Variants in PAQR5 observed in about 807,000 individuals in gnomAD.
PAQR5 encodes membrane progestin receptor gamma.
Under a neutral mutation model 34.5 loss-of-function variants are expected in PAQR5, and 20 were observed. The ratio of observed to expected loss-of-function variants is 0.58; its 90% CI spans 0.41 to 0.84. PAQR5 has a LOEUF of 0.84. Among genes scored for constraint, PAQR5 ranks in the 40% least tolerant of loss-of-function variants. The pLI is 0.00. For synonymous variants in PAQR5, 131 were observed against 155.6 expected, an observed-to-expected ratio of 0.84 and a Z score of 1.18; for missense variants, 378 against 412.7, an observed-to-expected ratio of 0.92 and a Z score of 0.73.
chr15:69,302,222 A>C, intron 1 of PAQR5, among the ~76,000 whole-genome samples: 1 of 151,956 alleles, frequency 6.6e-6, no homozygotes, highest in East Asian at 1.9e-4. Flanking sequence ...ATAGGCATGC[A>C]CCACCGTGCC....
intron 2 of PAQR5, among the ~76,000 whole-genome samples, chr15:69,357,845 C>T (rs1447745105): frequency 6.6e-6 from 1 of 152,180 alleles, no homozygotes; most frequent in African/African-American, 2.4e-5. Context: ...CTATGAGCAT[C>T]ATTGCTTCAT....
chr15:69,322,069 G>A (rs1167666507), intron 1 of PAQR5, among the ~76,000 whole-genome samples: 13 of 151,040 alleles, frequency 8.6e-5, no homozygotes, highest in Non-Finnish European at 1.5e-5. Flanking sequence ...AAGAAGACTG[G>A]TGGCTTATGC....
intron 1 of PAQR5, among the ~76,000 whole-genome samples, chr15:69,321,522 G>A (rs2140600124): frequency 6.6e-6 from 1 of 152,272 alleles, no homozygotes; most frequent in East Asian, 1.9e-4. Flanking sequence ...TGTACCTTAA[G>A]AATTGATAAT....
At chr15:69,370,459 C>G (rs1345825489) in intron 3 of PAQR5, among the ~76,000 whole-genome samples, 1 of 152,186 alleles carries the variant, frequency 6.6e-6, no homozygotes, top group Admixed American at 6.5e-5. Context: ...AGCCAACAAA[C>G]AGTTATGTAA....
At chr15:69,394,507 G>A (rs1376685060) in intron 6 of PAQR5, among the ~76,000 whole-genome samples, 9 of 152,158 alleles carry the variant, frequency 5.9e-5, no homozygotes, top group African/African-American at 2.2e-4. Context: ...TTTTCCAAAG[G>A]CCCGCTAGTT....
intron 1 of PAQR5, among the ~76,000 whole-genome samples, chr15:69,332,338 A>G (rs2054400359): frequency 6.6e-6 from 1 of 152,184 alleles, no homozygotes; most frequent in Non-Finnish European, 1.5e-5. Flanking sequence ...TCCTGAAACC[A>G]ATACTGGATG....
At chr15:69,310,762 G>A (rs2053811717) in intron 1 of PAQR5, among the ~76,000 whole-genome samples, 1 of 152,012 alleles carries the variant, frequency 6.6e-6, no homozygotes, top group Non-Finnish European at 1.5e-5. Context: ...GTGTTGGCCA[G>A]GCGCGGTGGC....
At chr15:69,359,889 T>C (rs533441305) in intron 2 of PAQR5, 77 bp from the exon 3 acceptor site, 1 of 573,042 alleles carries the variant, frequency 1.7e-6, no homozygotes, top group African/African-American at 1.9e-5. Context: ...TGTTCAATAG[T>C]TGAACAAGCT....
At position 69,390,306 on chromosome 15, in the gene PAQR5, G is replaced by A. The variant is rs143384355; in HGVS notation, c.512+526G>A. On this transcript the variant is annotated intron_variant, in intron 6 of 8. Coordinates refer to ENST00000395407, the MANE Select transcript of PAQR5 (RefSeq NM_017705.4). ...ATTGGGATTACAGGCGTGAGCCATG[G>A]TGCCTGACCTGTTTTTTATTTATTT... Among the ~76,000 whole-genome samples the A allele has an allele frequency of 7.1e-4, 108 of 151,234 alleles. 2 individuals carry two copies. The East Asian group carries it at 0.021, about 29-fold the overall frequency.
intron 1 of PAQR5, among the ~76,000 whole-genome samples, chr15:69,318,537 C>A (rs192658148): frequency 2.3e-4 from 35 of 152,170 alleles, no homozygotes; most frequent in African/African-American, 7.2e-4. Context: ...CAGCACTGAG[C>A]ACGCACTCAC....
chr15:69,398,226 G>C (rs1007812109), intron 7 of PAQR5, among the ~76,000 whole-genome samples: 1 of 152,166 alleles, frequency 6.6e-6, no homozygotes, highest in Non-Finnish European at 1.5e-5. Flanking sequence ...ATGAATGAGG[G>C]TCTTAAAGGA....
At chr15:69,320,140 C>A (rs1487640908) in intron 1 of PAQR5, among the ~76,000 whole-genome samples, 5 of 152,260 alleles carry the variant, frequency 3.3e-5, no homozygotes, top group African/African-American at 4.8e-5. Context: ...TTCGCCCTTT[C>A]CCAGCCTTGG....
chr15:69,330,922 GTT>G (rs2054364765), intron 1 of PAQR5, among the ~76,000 whole-genome samples: 1 of 152,204 alleles, frequency 6.6e-6, no homozygotes, highest in Non-Finnish European at 1.5e-5. Context: ...CCTGCCCATG[GTT>G]CGGTGGCCCC....
At chr15:69,347,839 C>A (rs1305262097) in intron 2 of PAQR5, among the ~76,000 whole-genome samples, 1 of 152,200 alleles carries the variant, frequency 6.6e-6, no homozygotes, top group East Asian at 1.9e-4. Context: ...CATGAAGACT[C>A]TGCCCTCATG....
chr15:69,336,754 GTT>G (rs1423933520), intron 1 of PAQR5, among the ~76,000 whole-genome samples: 1 of 152,116 alleles, frequency 6.6e-6, no homozygotes, highest in African/African-American at 2.4e-5. Flanking sequence ...ATGGTGTTTG[GTT>G]TTCTTTGGAC....
intron 1 of PAQR5, among the ~76,000 whole-genome samples, chr15:69,305,516 G>A (rs1342114839): frequency 6.6e-6 from 1 of 152,082 alleles, no homozygotes; most frequent in Non-Finnish European, 1.5e-5. Flanking sequence ...GGGTGGGTGG[G>A]GCGAGGCTCG....
chr15:69,312,289 A>C lies in PAQR5; in HGVS notation c.-277+13233A>C, dbSNP rs1334477379. On this transcript the variant is annotated intron_variant, in intron 1 of 8. Coordinates refer to ENST00000395407, the MANE Select transcript of PAQR5 (RefSeq NM_017705.4). ...TGAAAACAGGATTTTTCTTTCCAAG[A>C]ATGATTTGATTTTGTGGTAACTCCT... 2.0e-5 allele frequency among the ~76,000 whole-genome samples: 3 copies of C among 152,188 alleles called. No individual in the cohort carries two copies. In the East Asian group the frequency reaches 5.8e-4, roughly 29 times the overall value.
chr15:69,362,322 C>A (rs2055256788), intron 3 of PAQR5, among the ~76,000 whole-genome samples: 1 of 152,190 alleles, frequency 6.6e-6, no homozygotes, highest in South Asian at 2.1e-4. Flanking sequence ...TGGGCTCCAG[C>A]ATCCACTATT....
intron 3 of PAQR5, among the ~76,000 whole-genome samples, chr15:69,374,377 T>C (rs2055646528): frequency 1.3e-5 from 2 of 152,118 alleles, no homozygotes; most frequent in Non-Finnish European, 2.9e-5. Context: ...AATGATAGGT[T>C]ATAATTGCTG....
Sources: gnomAD v4.1 joint callset for allele counts (sites outside exome capture counted in the v4.1 genomes callset) on GRCh38, gnomAD v4.1.1 for gene constraint, MANE v1.5 for transcripts, NCBI Gene and HGNC (gene_info 2026-07-23, HGNC 2026-07-21) for gene names.